The following SLC30A8 variants were observed in gnomAD, a reference collection of about 807,000 sequenced individuals.
SLC30A8 encodes the protein proton-coupled zinc antiporter SLC30A8.
A neutral mutation model predicts 36.9 loss-of-function variants in SLC30A8; 27 were observed. The ratio of observed to expected loss-of-function variants is 0.73; its 90% CI spans 0.54 to 1.01. SLC30A8 has a LOEUF of 1.01. Among genes scored for constraint, SLC30A8 ranks in the 50% least tolerant of loss-of-function variants. SLC30A8 has a pLI of 0.00. For synonymous variants in SLC30A8, 164 were observed against 172.4 expected, an observed-to-expected ratio of 0.95 and a Z score of 0.38; for missense variants, 439 against 452.0, an observed-to-expected ratio of 0.97 and a Z score of 0.26.
chr8:116,993,905 A>C (rs1815730551), intron 1 of SLC30A8, among the ~76,000 whole-genome samples: 1 of 152,028 alleles, frequency 6.6e-6, no homozygotes, highest in African/African-American at 2.4e-5. Flanking sequence ...TACATTTAAA[A>C]TATTAGGTTT....
At chr8:117,146,773 G>C in intron 1 of SLC30A8, 181 bp from the exon 2 acceptor site, 2 of 1,397,198 alleles carry the variant, frequency 1.4e-6, no homozygotes, top group Non-Finnish European at 1.9e-6. Context: ...TTGAAGTTTA[G>C]AAGGAAATTT....
intron 2 of SLC30A8, among the ~76,000 whole-genome samples, chr8:117,043,734 C>A (rs1207654550): frequency 3.3e-5 from 5 of 152,198 alleles, no homozygotes; most frequent in African/African-American, 1.2e-4. Context: ...ATTCTCTCCA[C>A]CTGCCTTGCC....
chr8:117,098,081 A>G (rs113121516), intron 2 of SLC30A8, among the ~76,000 whole-genome samples: 3 of 136,230 alleles, frequency 2.2e-5, no homozygotes, highest in East Asian at 2.0e-4. Flanking sequence ...AAATATAATT[A>G]TATATATTAT....
At chr8:117,167,313 C>T (rs942674460) in intron 6 of SLC30A8, among the ~76,000 whole-genome samples, 2 of 151,972 alleles carry the variant, frequency 1.3e-5, no homozygotes, top group African/African-American at 2.4e-5. Flanking sequence ...GGTTTTCAAA[C>T]TATGTTAGTA....
At chr8:117,163,143 C>G (rs1822880136) in intron 5 of SLC30A8, among the ~76,000 whole-genome samples, 1 of 152,210 alleles carries the variant, frequency 6.6e-6, no homozygotes, top group African/African-American at 2.4e-5. Flanking sequence ...TAAATCAGGG[C>G]TCTTGAGAGC....
chr8:116,990,273 C>T (rs920689965), intron 1 of SLC30A8, among the ~76,000 whole-genome samples: 3 of 151,830 alleles, frequency 2.0e-5, no homozygotes, highest in Non-Finnish European at 1.5e-5. Context: ...CCAGTCTTAC[C>T]TTTTCTCTTT....
chr8:117,154,161 G>A (rs767241432), intron 3 of SLC30A8, among the ~76,000 whole-genome samples: 4 of 151,984 alleles, frequency 2.6e-5, no homozygotes, highest in South Asian at 2.1e-4. Flanking sequence ...AACGTGTGCC[G>A]TCATGGTTTG....
intron 2 of SLC30A8, among the ~76,000 whole-genome samples, chr8:117,074,334 A>G (rs2130803241): frequency 6.6e-6 from 1 of 152,320 alleles, no homozygotes; most frequent in African/African-American, 2.4e-5. Flanking sequence ...AAGAAATCTA[A>G]GAATCCAAAC....
chr8:117,052,982 C>A (rs1428455145), intron 2 of SLC30A8, among the ~76,000 whole-genome samples: 6 of 151,720 alleles, frequency 4.0e-5, no homozygotes, highest in Non-Finnish European at 8.8e-5. Context: ...TCTCAGCTCA[C>A]TGCAACCTCC....
intron 1 of SLC30A8, among the ~76,000 whole-genome samples, chr8:117,032,279 C>G (rs1237630866): frequency 6.6e-6 from 1 of 152,036 alleles, no homozygotes; most frequent in Non-Finnish European, 1.5e-5. Context: ...TGCTTATCAT[C>G]TGTTTTCTTA....
At chr8:117,062,235 TGTTA>T (rs1818040239) in intron 2 of SLC30A8, among the ~76,000 whole-genome samples, 2 of 152,046 alleles carry the variant, frequency 1.3e-5, no homozygotes, top group African/African-American at 4.8e-5. Flanking sequence ...ATGGCATGTG[TGTTA>T]GTTAGGTTGT....
At chr8:117,165,679 C>G (rs1313311620) in intron 6 of SLC30A8, among the ~76,000 whole-genome samples, 1 of 152,130 alleles carries the variant, frequency 6.6e-6, no homozygotes, top group Non-Finnish European at 1.5e-5. Context: ...AATAAATAAC[C>G]AGAGGAGATT....
intron 2 of SLC30A8, among the ~76,000 whole-genome samples, chr8:117,070,996 G>A (rs1658785411): frequency 6.6e-6 from 1 of 152,122 alleles, no homozygotes; most frequent in South Asian, 2.1e-4. Context: ...GAATAATGCT[G>A]CAATGAACAT....
intron 2 of SLC30A8, among the ~76,000 whole-genome samples, chr8:117,123,370 T>A (rs1184829130): frequency 2.6e-5 from 4 of 151,990 alleles, no homozygotes; most frequent in African/African-American, 9.7e-5. Context: ...GACTAATGGA[T>A]GACATTTACA....
intron 4 of SLC30A8, 122 bp from the exon 5 acceptor site, chr8:117,161,616 G>A (rs1822792434): frequency 1.1e-6 from 1 of 902,914 alleles, no homozygotes; most frequent in South Asian, 1.9e-5. Context: ...TCTTTTTAAA[G>A]CATAAATATT....
At chr8:117,003,514 A>G (rs76968237) in intron 1 of SLC30A8, among the ~76,000 whole-genome samples, 2,180 of 152,328 alleles carry the variant, frequency 0.014, 58 homozygotes, top group African/African-American at 0.05. Context: ...GAATTTGAAA[A>G]GCAGAGCGGC....
At chr8:117,048,205 T>C (rs1817610708) in intron 2 of SLC30A8, among the ~76,000 whole-genome samples, 1 of 152,178 alleles carries the variant, frequency 6.6e-6, no homozygotes, top group South Asian at 2.1e-4. Flanking sequence ...CCCTTTCTGG[T>C]AACAATTTGA....
chr8:117,136,584 A>C (rs1205905832), intron 1 of SLC30A8, among the ~76,000 whole-genome samples: 1 of 152,016 alleles, frequency 6.6e-6, no homozygotes, highest in Non-Finnish European at 1.5e-5. Context: ...AAAACAAAGA[A>C]TCTAGCAATC....
chr8:117,170,937 A>G (rs762056152), intron 6 of SLC30A8, 97 bp from the exon 7 acceptor site: 1 of 1,047,622 alleles, frequency 9.5e-7, no homozygotes, highest in East Asian at 2.6e-5. Context: ...GGATGAACAC[A>G]TTGAAATTTT....
Sources: allele counts gnomAD v4.1 joint callset (sites outside exome capture counted in the v4.1 genomes callset), GRCh38; gene constraint gnomAD v4.1.1; transcripts MANE v1.5; gene names NCBI Gene and HGNC (gene_info 2026-07-23, HGNC 2026-07-21).